KCNH7: variants seen among roughly 807,000 people sequenced by gnomAD.
KCNH7 encodes the protein voltage-gated inwardly rectifying potassium channel KCNH7.
KCNH7 carries 49 observed loss-of-function variants against 120.8 expected under a neutral mutation model. The ratio of observed to expected loss-of-function variants is 0.41; its 90% CI spans 0.32 to 0.51. The LOEUF is 0.51. Among genes scored for constraint, KCNH7 ranks in the 20% least tolerant of loss-of-function variants. The probability of loss-of-function intolerance (pLI) is 0.38; values close to 1 mark genes in which losing one functional copy is unlikely to be tolerated. For missense variants in KCNH7, 1,097 were observed against 1,446.6 expected (o/e 0.76, Z 3.92); for synonymous variants, 547 against 516.1 (o/e 1.06, Z -0.81).
intron 2 of KCNH7, among the ~76,000 whole-genome samples, chr2:162,807,270 A>AAAAC (rs1684578929): frequency 1.4e-5 from 2 of 140,210 alleles, no homozygotes; most frequent in Non-Finnish European, 1.6e-5. Flanking sequence ...AAAAAAAAAA[A>AAAAC]AAAAAAAAAA....
chr2:162,611,695 A>T (rs1460695381), intron 2 of KCNH7, among the ~76,000 whole-genome samples: 5 of 152,158 alleles, frequency 3.3e-5, no homozygotes, highest in Non-Finnish European at 4.4e-5. Context: ...TGCATATTTG[A>T]GCATGTTGTG....
At chr2:162,549,944 G>T (rs1479877850) in intron 2 of KCNH7, among the ~76,000 whole-genome samples, 1 of 152,126 alleles carries the variant, frequency 6.6e-6, no homozygotes. Context: ...TTGTTTCATT[G>T]ATATTTTAGA....
In KCNH7 at chr2:162,394,473, G is replaced by C; in HGVS notation, c.2626C>G (p.Arg876Gly). The C allele has an allele frequency of 6.3e-7, 1 of 1,595,218 alleles. No individual in the cohort carries two copies. The highest frequency in any genetic ancestry group is 8.6e-7 in the Non-Finnish European group (1 of 1,164,354). Residue 876 changes from arginine to glycine, a missense_variant, in exon 12 of 16, where the codon CGA (arginine) becomes GGA (glycine). Coordinates refer to ENST00000332142, the MANE Select transcript of KCNH7 (RefSeq NM_033272.4). The part of the protein sequence containing the change: ...RHESAKADLL[R>G]SQSMNDSEGD... ...TCTGAATCATTCATGGATTGTGATC[G>C]TAGGAGATCAGCCTTTGTTAATGGA...
chr2:162,446,481 T>A (rs773940520), intron 6 of KCNH7, 38 bp from the exon 7 acceptor site: 6 of 1,471,922 alleles, frequency 4.1e-6, no homozygotes, highest in Admixed American at 2.1e-5. Flanking sequence ...TACATAAATA[T>A]GCCATTTTTA....
intron 9 of KCNH7, among the ~76,000 whole-genome samples, chr2:162,403,017 T>C (rs1297625223): frequency 6.6e-6 from 1 of 151,980 alleles, no homozygotes; most frequent in Admixed American, 6.6e-5. Context: ...ATCAGTTTCT[T>C]TTTTTGGGAA....
intron 2 of KCNH7, among the ~76,000 whole-genome samples, chr2:162,580,301 A>G (rs1270168541): frequency 6.6e-6 from 1 of 152,090 alleles, no homozygotes; most frequent in Non-Finnish European, 1.5e-5. Context: ...CAAAATAACA[A>G]GAAATGAATG....
chr2:162,687,610 T>C (rs746020372), intron 2 of KCNH7, among the ~76,000 whole-genome samples: 1 of 152,070 alleles, frequency 6.6e-6, no homozygotes, highest in Non-Finnish European at 1.5e-5. Context: ...GTTGGAAATA[T>C]TTACACCACG....
chr2:162,772,089 T>C (rs992100274), intron 2 of KCNH7: 3 of 152,150 alleles, frequency 2.0e-5, no homozygotes, highest in Non-Finnish European at 4.4e-5. Flanking sequence ...CTGAATCTGT[T>C]CTACCTCCAA....
chr2:162,794,899 A>G (rs988019331), intron 2 of KCNH7, among the ~76,000 whole-genome samples: 2 of 152,062 alleles, frequency 1.3e-5, no homozygotes, highest in Non-Finnish European at 2.9e-5. Context: ...GATATCCTTC[A>G]ATTTTAATAG....
At chr2:162,387,552 A>G (rs1686610867) in intron 12 of KCNH7, among the ~76,000 whole-genome samples, 2 of 151,582 alleles carry the variant, frequency 1.3e-5, no homozygotes, top group South Asian at 2.1e-4. Context: ...ATCTGATTGC[A>G]TAATCTTTCC....
rs547536464 is a variant in KCNH7 at position 162,744,382 on chromosome 2, C to T, written c.307+92155G>A. On this transcript the variant is annotated intron_variant, in intron 2 of 15. Transcript: ENST00000332142. ...AAAACCTTTTAAGATTAAGCAACAG[C>T]CTTTCTTTTCCCTCATGGTTCTGTT... Among the ~76,000 whole-genome samples, 4 of 152,046 alleles carry T rather than the reference C, an allele frequency of 2.6e-5. No homozygotes were observed. The South Asian group carries it at 8.3e-4, about 32-fold the overall frequency.
intron 2 of KCNH7, among the ~76,000 whole-genome samples, chr2:162,793,139 C>T (rs543250928): frequency 1.2e-4 from 18 of 152,040 alleles, no homozygotes; most frequent in Non-Finnish European, 2.2e-4. Context: ...AGATCACGTA[C>T]GTTGCAAGGA....
At chr2:162,670,129 A>G (rs1183526954) in intron 2 of KCNH7, among the ~76,000 whole-genome samples, 6 of 150,982 alleles carry the variant, frequency 4.0e-5, no homozygotes, top group African/African-American at 9.7e-5. Flanking sequence ...AAGAAAATTG[A>G]CTCCCAAAAG....
intron 2 of KCNH7, among the ~76,000 whole-genome samples, chr2:162,705,117 T>C (rs1686652103): frequency 6.6e-6 from 1 of 152,128 alleles, no homozygotes; most frequent in African/African-American, 2.4e-5. Context: ...GGATGCAATA[T>C]ATTTCATAAC....
intron 9 of KCNH7, among the ~76,000 whole-genome samples, chr2:162,408,529 G>C (rs1687296355): frequency 6.6e-6 from 1 of 151,902 alleles, no homozygotes; most frequent in South Asian, 2.1e-4. Context: ...AAACAGCTGT[G>C]TGTGCTCCAA....
At chr2:162,704,207 A>G (rs1420060243) in intron 2 of KCNH7, among the ~76,000 whole-genome samples, 1 of 152,148 alleles carries the variant, frequency 6.6e-6, no homozygotes, top group African/African-American at 2.4e-5. Flanking sequence ...TGAGTAAATC[A>G]CATAATATTT....
At chr2:162,687,444 T>C (rs1480452155) in intron 2 of KCNH7, among the ~76,000 whole-genome samples, 2 of 152,174 alleles carry the variant, frequency 1.3e-5, no homozygotes, top group African/African-American at 4.8e-5. Context: ...TTTCTAATTA[T>C]TGGACAACAT....
chr2:162,621,576 A>C (rs891121869), intron 2 of KCNH7, among the ~76,000 whole-genome samples: 1 of 152,102 alleles, frequency 6.6e-6, no homozygotes, highest in Admixed American at 6.6e-5. Context: ...GGTGAATAAA[A>C]CCACGTAGAA....
chr2:162,411,095 C>A (rs1284419714), intron 9 of KCNH7, among the ~76,000 whole-genome samples: 1 of 152,066 alleles, frequency 6.6e-6, no homozygotes, highest in African/African-American at 2.4e-5. Context: ...AGCAGTCCCA[C>A]TGTTGGGCAA....
Sources: allele counts gnomAD v4.1 joint callset (sites outside exome capture counted in the v4.1 genomes callset), GRCh38; gene constraint gnomAD v4.1.1; transcripts MANE v1.5; gene names NCBI Gene and HGNC (gene_info 2026-07-23, HGNC 2026-07-21).